Variants in PIGK observed in about 807,000 individuals in gnomAD.
PIGK encodes phosphatidylinositol glycan anchor biosynthesis class K.
PIGK carries 42 observed loss-of-function variants against 50.6 expected under a neutral mutation model. The ratio of observed to expected loss-of-function variants is 0.83; its 90% CI spans 0.65 to 1.07. PIGK has a LOEUF of 1.07. Ranked by LOEUF, PIGK falls within the 50% of genes least tolerant of loss-of-function variation. The probability of loss-of-function intolerance (pLI) is 0.00; values close to 1 mark genes in which losing one functional copy is unlikely to be tolerated. For missense variants in PIGK, 448 were observed against 488.7 expected (o/e 0.92, Z 0.78); for synonymous variants, 151 against 156.0 (o/e 0.97, Z 0.24).
chr1:77,136,020 G>A (rs1368555675), intron 9 of PIGK, among the ~76,000 whole-genome samples: 1 of 151,952 alleles, frequency 6.6e-6, no homozygotes, highest in African/African-American at 2.4e-5. Flanking sequence ...CCTCTTTTCT[G>A]GTTCATTTCC....
intron 9 of PIGK, among the ~76,000 whole-genome samples, chr1:77,146,665 C>T (rs1451513247): frequency 6.6e-6 from 1 of 152,058 alleles, no homozygotes; most frequent in East Asian, 1.9e-4. Flanking sequence ...GGCATGGCAG[C>T]ATGCACCTGT....
intron 10 of PIGK, among the ~76,000 whole-genome samples, chr1:77,112,503 A>C (rs766422714): frequency 1.6e-4 from 25 of 152,150 alleles, no homozygotes; most frequent in African/African-American, 5.8e-4. Context: ...TAAGATAGGC[A>C]TATAATAACA....
intron 1 of PIGK, among the ~76,000 whole-genome samples, chr1:77,213,357 T>C (rs955336414): frequency 6.6e-6 from 1 of 152,158 alleles, no homozygotes; most frequent in Non-Finnish European, 1.5e-5. Context: ...CAAAATTATG[T>C]CAAAAATCTC....
At chr1:77,097,305 C>T (rs1311007369) in intron 10 of PIGK, among the ~76,000 whole-genome samples, 7 of 152,100 alleles carry the variant, frequency 4.6e-5, no homozygotes, top group Admixed American at 1.3e-4. Context: ...AAGGAAATGA[C>T]GGTGACACAG....
rs563033375 is a variant in PIGK, at chr1:77,174,424, G to A, written c.240-5029C>T. 3.9e-5 allele frequency among the ~76,000 whole-genome samples: 6 copies of A among 152,318 alleles called. 1 individual carries two copies. The highest frequency in any genetic ancestry group is 1.4e-4 in the African/African-American group (6 of 41,574). ...AAACCTCAGGAATTAAAAGTGGATA[G>A]ATCCCTCTCAAAATCTAAGACTCTG... On this transcript the variant is annotated intron_variant, in intron 3 of 10. Transcript: ENST00000370812.
chr1:77,111,747 T>G (rs922684143), intron 10 of PIGK, among the ~76,000 whole-genome samples: 11 of 152,068 alleles, frequency 7.2e-5, no homozygotes, highest in African/African-American at 2.7e-4. Flanking sequence ...CCCTAGAACT[T>G]AAAGTATAAT....
In PIGK at chr1:77,154,495, T is replaced by C. The variant is rs985865222; in HGVS notation, c.940A>G (p.Thr314Ala). 5 of 1,612,196 alleles carry C rather than the reference T, an allele frequency of 3.1e-6. No individual in the cohort carries two copies. The highest frequency in any genetic ancestry group is 3.4e-6 in the Non-Finnish European group (4 of 1,178,702). ...TCCTGTTGCAATTTAATAGTCTCTG[T>C]TGTAATTTCCACTTTCCGTACACTT... is the stretch of plus-strand genomic sequence containing the variant. ...FGSVRKVEIT[T>A]ETIKLQQDSE... The change falls in exon 9 of 11, where the codon ACA becomes GCA. Residue 314 changes from threonine (T) to alanine (A), a missense_variant. Thr to Ala is a moderately conservative substitution (Grantham distance 58). Coordinates refer to ENST00000370812, the MANE Select transcript of PIGK (RefSeq NM_005482.3).
chr1:77,130,105 T>C (rs1177780563), intron 9 of PIGK, among the ~76,000 whole-genome samples: 1 of 151,622 alleles, frequency 6.6e-6, no homozygotes, highest in East Asian at 1.9e-4. Context: ...GTTATTTCGA[T>C]AATCTAGACA....
intron 3 of PIGK, among the ~76,000 whole-genome samples, chr1:77,182,019 C>T (rs1004653413): frequency 6.6e-6 from 1 of 152,156 alleles, no homozygotes; most frequent in African/African-American, 2.4e-5. Flanking sequence ...TTCTTCGATA[C>T]ATGATTCCAG....
chr1:77,185,921 T>C (rs1324166319), intron 3 of PIGK, among the ~76,000 whole-genome samples: 3 of 152,232 alleles, frequency 2.0e-5, no homozygotes, highest in Non-Finnish European at 1.5e-5. Context: ...TACTGGGCTT[T>C]GGTGGAAACT....
intron 10 of PIGK, among the ~76,000 whole-genome samples, chr1:77,109,037 C>T (rs1302658864): frequency 1.3e-5 from 2 of 152,116 alleles, no homozygotes; most frequent in African/African-American, 4.8e-5. Flanking sequence ...TCAACACATA[C>T]ACCCTCCCAA....
At chr1:77,173,905 TA>T (rs1397525617) in intron 3 of PIGK, among the ~76,000 whole-genome samples, 2 of 152,226 alleles carry the variant, frequency 1.3e-5, no homozygotes, top group Non-Finnish European at 2.9e-5. Context: ...TACTTTCTCT[TA>T]GTCTCCACCT....
At chr1:77,171,896 T>A (rs1197882023) in intron 3 of PIGK, among the ~76,000 whole-genome samples, 4 of 152,150 alleles carry the variant, frequency 2.6e-5, no homozygotes, top group African/African-American at 9.7e-5. Context: ...CGTAGGCTTA[T>A]AGTTCTTACA....
intron 3 of PIGK, among the ~76,000 whole-genome samples, chr1:77,197,391 G>A (rs1279225771): frequency 6.6e-6 from 1 of 152,166 alleles, no homozygotes; most frequent in Non-Finnish European, 1.5e-5. Flanking sequence ...CTCAGGCACA[G>A]CGAAGAATTG....
intron 1 of PIGK, among the ~76,000 whole-genome samples, chr1:77,218,641 G>C (rs1656642602): frequency 6.6e-6 from 1 of 152,142 alleles, no homozygotes; most frequent in South Asian, 2.1e-4. Context: ...TTCTTAGTCA[G>C]CTGGATATGC....
At chr1:77,167,027 C>T (rs1655250712) in intron 4 of PIGK, among the ~76,000 whole-genome samples, 197 bp from the exon 5 acceptor site, 2 of 152,256 alleles carry the variant, frequency 1.3e-5, no homozygotes, top group South Asian at 4.1e-4. Context: ...AACTTTGTTA[C>T]TATTTTTAAA....
chr1:77,168,969 T>C (rs1410779187), intron 4 of PIGK, among the ~76,000 whole-genome samples: 1 of 152,088 alleles, frequency 6.6e-6, no homozygotes, highest in Non-Finnish European at 1.5e-5. Flanking sequence ...ACACATTTAC[T>C]ATAAAATATA....
At chr1:77,183,882 C>A (rs1655678133) in intron 3 of PIGK, among the ~76,000 whole-genome samples, 1 of 152,162 alleles carries the variant, frequency 6.6e-6, no homozygotes, top group Non-Finnish European at 1.5e-5. Flanking sequence ...TCACTTTAGA[C>A]CTATTCATCC....
intron 10 of PIGK, among the ~76,000 whole-genome samples, chr1:77,119,099 T>G (rs1450011650): frequency 2.0e-5 from 3 of 152,214 alleles, no homozygotes; most frequent in Non-Finnish European, 4.4e-5. Flanking sequence ...TATTCTGATA[T>G]CCGGTAAAAC....
Sources: allele counts gnomAD v4.1 joint callset (sites outside exome capture counted in the v4.1 genomes callset), GRCh38; gene constraint gnomAD v4.1.1; transcripts MANE v1.5; gene names NCBI Gene and HGNC (gene_info 2026-07-23, HGNC 2026-07-21).